Variants in MAD1L1 observed in about 807,000 individuals in gnomAD.
MAD1L1 encodes the protein mitotic spindle assembly checkpoint protein MAD1.
MAD1L1 carries 95 observed loss-of-function variants against 96.9 expected under a neutral mutation model. That is an observed-to-expected ratio of 0.98 (90% confidence interval 0.83 to 1.16). The LOEUF is 1.16. MAD1L1 is among the 50% of genes most tolerant of loss of function. The probability of loss-of-function intolerance (pLI) is 0.00; values close to 1 mark genes in which losing one functional copy is unlikely to be tolerated. For synonymous variants in MAD1L1, 473 were observed against 396.6 expected (o/e 1.19, Z -2.29); for missense variants, 1,007 against 954.4 (o/e 1.06, Z -0.73).
intron 11 of MAD1L1, among the ~76,000 whole-genome samples, chr7:2,118,146 C>T (rs966041689): frequency 3.9e-5 from 6 of 152,324 alleles, no homozygotes; most frequent in African/African-American, 7.2e-5. Flanking sequence ...AGCCGCCAGC[C>T]GGCCACTCCT....
chr7:2,049,369 A>C (rs73672023), intron 12 of MAD1L1, among the ~76,000 whole-genome samples: 6,990 of 152,172 alleles, frequency 0.046, 258 homozygotes, highest in African/African-American at 0.096. Context: ...CTCTCCCTGC[A>C]CAGTGGGGGC....
intron 17 of MAD1L1, among the ~76,000 whole-genome samples, chr7:1,921,844 G>A (rs972090176): frequency 6.6e-6 from 1 of 152,144 alleles, no homozygotes; most frequent in African/African-American, 2.4e-5. Flanking sequence ...AATCAATTTA[G>A]ATCTCGACCT....
intron 18 of MAD1L1, among the ~76,000 whole-genome samples, chr7:1,854,125 G>T (rs1383058575): frequency 6.6e-6 from 1 of 152,094 alleles, no homozygotes; most frequent in African/African-American, 2.4e-5. Flanking sequence ...CATCACTCAC[G>T]GGGCTGCCCA....
At chr7:2,214,035 G>A (rs1185965487) in intron 9 of MAD1L1, among the ~76,000 whole-genome samples, 2 of 152,240 alleles carry the variant, frequency 1.3e-5, no homozygotes, top group African/African-American at 4.8e-5. Context: ...GCACGCACTT[G>A]ACTAGTAACT....
intron 18 of MAD1L1, among the ~76,000 whole-genome samples, chr7:1,874,722 C>G (rs1785288866): frequency 6.6e-6 from 1 of 152,046 alleles, no homozygotes; most frequent in Non-Finnish European, 1.5e-5. Context: ...TCAGCAGGAC[C>G]CACAGGCCCT....
chr7:2,053,252 G>C (rs2128519070), intron 12 of MAD1L1, among the ~76,000 whole-genome samples: 1 of 152,310 alleles, frequency 6.6e-6, no homozygotes, highest in South Asian at 2.1e-4. Context: ...GAGTTTGGGG[G>C]CCGCGGAGGC....
chr7:2,149,298 G>T, intron 10 of MAD1L1, 60 bp from the exon 11 acceptor site: 1 of 1,404,376 alleles, frequency 7.1e-7, no homozygotes, highest in Non-Finnish European at 1.0e-6. Context: ...ACCTGATTCT[G>T]CACACAAAAC....
At chr7:1,957,572 G>A (rs1028804395) in intron 16 of MAD1L1, 57 bp downstream of exon 16, 40 of 1,551,402 alleles carry the variant, frequency 2.6e-5, no homozygotes, top group Admixed American at 5.3e-5. Flanking sequence ...CGTTCACGAC[G>A]CCCAAAGAAA....
At chr7:2,199,855 G>A (rs975020510) in intron 10 of MAD1L1, among the ~76,000 whole-genome samples, 17 of 152,258 alleles carry the variant, frequency 1.1e-4, no homozygotes, top group African/African-American at 3.4e-4. Context: ...CTGGCCAGCA[G>A]GGCCCACACT....
At chr7:2,100,648 C>T (rs1786733148) in intron 11 of MAD1L1, among the ~76,000 whole-genome samples, 1 of 152,260 alleles carries the variant, frequency 6.6e-6, no homozygotes, top group African/African-American at 2.4e-5. Context: ...AACGGCCGCA[C>T]TGGGCCAGCA....
rs60466584 is a variant in MAD1L1, at chr7:2,038,498, C to CTTTTTTTTTTTTTTTTTTTTTTTTTTTT, written c.1219-23884_1219-23857dup. ...TGTTAGGAGATAATGAAGCTGATGA[C>CTTTTTTTTTTTTTTTTTTTTTTTTTTTT]TTTTTTTTTTTTTTTTTTTTTTTTT... On this transcript the variant is annotated intron_variant, in intron 12 of 18. Transcript: ENST00000265854. Among the ~76,000 whole-genome samples the CTTTTTTTTTTTTTTTTTTTTTTTTTTTT allele has an allele frequency of 3.2e-5, 3 of 92,826 alleles. 1 individual carries two copies. The highest frequency in any genetic ancestry group is 2.2e-5 in the Non-Finnish European group (1 of 46,294). The allele number at this position is 92,826 out of a possible 152,430, so 60.9% of individuals were successfully genotyped here.
chr7:1,887,813 GTGTGTGCA>G (rs898796551), intron 18 of MAD1L1, among the ~76,000 whole-genome samples: 17 of 151,304 alleles, frequency 1.1e-4, no homozygotes, highest in South Asian at 4.2e-4. Flanking sequence ...CTGCCTGTGT[GTGTGTGCA>G]TGTGTGCATG....
chr7:1,977,168 C>T (rs921305531), intron 15 of MAD1L1, among the ~76,000 whole-genome samples: 6 of 152,228 alleles, frequency 3.9e-5, no homozygotes, highest in Non-Finnish European at 7.3e-5. Context: ...CAGGGGGCCG[C>T]GCCGTCGGGG....
At chr7:2,143,280 C>T (rs1188998851) in intron 11 of MAD1L1, among the ~76,000 whole-genome samples, 2 of 151,078 alleles carry the variant, frequency 1.3e-5, no homozygotes, top group Non-Finnish European at 2.9e-5. Flanking sequence ...GCTTCTCCAG[C>T]GGGAGGCCCC....
intron 10 of MAD1L1, among the ~76,000 whole-genome samples, chr7:2,176,447 C>A (rs917689085): frequency 6.6e-6 from 1 of 152,132 alleles, no homozygotes; most frequent in Non-Finnish European, 1.5e-5. Flanking sequence ...TATTTCACGT[C>A]GTACCAGAGG....
Position 1,956,618 on chromosome 7 carries a change from G to T in MAD1L1, c.1596+1011C>A, listed in dbSNP as rs137971316. ...CCCTCCAAGGCCCTGGCAGAGCTCA[G>T]GAGAGGGTCACAGGTGACACTGCCA... On this transcript the variant is annotated intron_variant, in intron 16 of 18. Transcript: ENST00000265854. Among the ~76,000 whole-genome samples, 715 of 138,316 alleles carry T rather than the reference G, an allele frequency of 5.2e-3. 2 individuals carry two copies. The highest frequency in any genetic ancestry group is 7.2e-3 in the Admixed American group (98 of 13,524). 90.7% of individuals were successfully genotyped at this position (138,316 alleles called of 152,430 possible).
At chr7:2,186,253 T>C (rs1009367758) in intron 10 of MAD1L1, among the ~76,000 whole-genome samples, 4 of 152,214 alleles carry the variant, frequency 2.6e-5, no homozygotes, top group East Asian at 1.9e-4. Context: ...TTTAATGAAA[T>C]GGTATTCACT....
rs142842169 is a variant in MAD1L1, at chr7:1,919,244, C to G, written c.1807+17443G>C. Among the ~76,000 whole-genome samples, 1,012 of 152,360 alleles carry G rather than the reference C, an allele frequency of 6.6e-3. 12 individuals carry two copies. Among genetic ancestry groups the G allele is most frequent in the African/African-American group, 0.023 (956 of 41,582 alleles). On this transcript the variant is annotated intron_variant, in intron 17 of 18. Coordinates refer to ENST00000265854, the MANE Select transcript of MAD1L1 (RefSeq NM_001013836.2). ...GGTCCACCCAGACCCCCAACTGTTA[C>G]GACGTGGAGCAGGACCTCCATCCAA...
At chr7:2,226,029 G>A (rs555839371) in intron 3 of MAD1L1, among the ~76,000 whole-genome samples, 4 of 152,042 alleles carry the variant, frequency 2.6e-5, no homozygotes, top group African/African-American at 9.7e-5. Flanking sequence ...CTTGCCACAC[G>A]GCCCTCTCCA....
Sources: gnomAD v4.1 joint callset for allele counts (sites outside exome capture counted in the v4.1 genomes callset) on GRCh38, gnomAD v4.1.1 for gene constraint, MANE v1.5 for transcripts, NCBI Gene and HGNC (gene_info 2026-07-23, HGNC 2026-07-21) for gene names.